Variants in CIC observed in about 807,000 individuals in gnomAD.
The protein encoded by CIC is protein capicua homolog.
Under a neutral mutation model 115.7 loss-of-function variants are expected in CIC, and 18 were observed. The observed-to-expected ratio is 0.16, with a 90% CI of 0.11 to 0.23. CIC has a LOEUF of 0.23. CIC is among the 10% of genes least tolerant of loss of function. The pLI, the probability that CIC is intolerant of heterozygous loss-of-function variation, is 1.00. For synonymous variants in CIC, 1,076 were observed against 923.0 expected, an observed-to-expected ratio of 1.17 and a Z score of -3.01; for missense variants, 2,000 against 2,159.3, an observed-to-expected ratio of 0.93 and a Z score of 1.46.
At chr19:42,293,375 C>T (rs933990213) in intron 16 of CIC, 94 bp downstream of exon 16, 12 of 1,397,580 alleles carry the variant, frequency 8.6e-6, no homozygotes, top group African/African-American at 2.8e-5. Flanking sequence ...CTTTCCATGC[C>T]TGTGTGTCTC....
Position 42,293,742 on chromosome 19 carries a change from G to C in CIC, c.6673G>C (p.Gly2225Arg), listed in dbSNP as rs1314616216. 6.2e-7 allele frequency: 1 copy of C among 1,612,842 alleles called. No homozygotes were observed. The highest frequency in any genetic ancestry group is 8.5e-7 in the Non-Finnish European group (1 of 1,179,808). ...CGAGAGCAGCAGTGGGCGGGCAGCC[G>C]GGGACACCCCGGAGCGCAAGGAGGC... ...SSESSSGRAA[G>R]DTPERKEAAG... Residue 2225 changes from glycine to arginine, a missense_variant, in exon 17 of 21, where the codon GGG (glycine) becomes CGG (arginine). Gly to Arg is a moderately radical substitution (Grantham distance 125). Around this residue, in one of 8 missense-constraint regions of CIC, gnomAD observed 1,466 missense variants for 1,390.4 expected, o/e 1.05. Coordinates refer to ENST00000681038, the MANE Select transcript of CIC (RefSeq NM_001386298.1).
Position 42,290,506 on chromosome 19 carries a change from G to T in CIC, c.4465G>T (p.Gly1489Cys), listed in dbSNP as rs773106838. 9.3e-6 allele frequency: 15 copies of T among 1,613,386 alleles called. No homozygotes were observed. In the Admixed American group the frequency reaches 2.3e-4, roughly 25 times the overall value. Residue 1489 changes from glycine (G) to cysteine (C), a missense_variant, in exon 11 of 21, where the codon GGT becomes TGT. Coordinates refer to ENST00000681038, the MANE Select transcript of CIC (RefSeq NM_001386298.1). Reference protein sequence around the residue: ...PLRPPPPGAGGPATPSKATRF... With the variant: ...PLRPPPPGAGCPATPSKATRF... ...ACGGCCCCCACCCCCTGGGGCTGGG[G>T]GTCCAGCGACACCTTCCAAGGCAAC...
Position 42,290,663 on chromosome 19 carries a change from T to C in CIC, c.4622T>C (p.Val1541Ala), listed in dbSNP as rs1187578141. Residue 1541 changes from valine to alanine, a missense_variant, in exon 11 of 21, where the codon GTG becomes GCG. Val to Ala is a moderately conservative substitution (Grantham distance 64). Transcript: ENST00000681038. ...GGAGGAAACATCCTGCAGACACTGG[T>C]GCTGCCCCCAAACAAGGAGGAGCAA... ...SGGGNILQTL[V>A]LPPNKEEQEG... 7 of 1,613,212 alleles carry C rather than the reference T, an allele frequency of 4.3e-6. No individual in the cohort carries two copies. Among genetic ancestry groups the C allele is most frequent in the Non-Finnish European group, 5.9e-6 (7 of 1,179,912 alleles).
intron 11 of CIC, 29 bp from the exon 12 acceptor site, chr19:42,291,529 C>G: frequency 6.2e-7 from 1 of 1,613,118 alleles, no homozygotes; most frequent in South Asian, 1.1e-5. Context: ...CCCTTGTAAC[C>G]TTTTCCTTTC....
intron 2 of CIC, among the ~76,000 whole-genome samples, chr19:42,282,751 G>C (rs1487813011): frequency 3.3e-5 from 5 of 152,190 alleles, no homozygotes; most frequent in African/African-American, 1.2e-4. Flanking sequence ...CCTGAACAAT[G>C]GGTGTAATAA....
chr19:42,284,079 T>G (rs184104469), intron 2 of CIC: 1 of 138,268 alleles, frequency 7.2e-6, no homozygotes, highest in African/African-American at 2.7e-5. Context: ...GAGGCGGTGG[T>G]GGTTCGGCGC....
At chr19:42,288,365 C>T (rs557258004) in intron 7 of CIC, among the ~76,000 whole-genome samples, 18 of 152,286 alleles carry the variant, frequency 1.2e-4, no homozygotes, top group Admixed American at 5.9e-4. Context: ...AACCCCAGTT[C>T]GGCGGGCCCC....
intron 12 of CIC, 42 bp downstream of exon 12, chr19:42,291,787 C>G (rs1599922506): frequency 6.2e-7 from 1 of 1,605,794 alleles, no homozygotes; most frequent in East Asian, 2.2e-5. Context: ...ATGTTGGCCC[C>G]TGTACCCCAT....
chr19:42,293,072 G>C lies in CIC; in HGVS notation c.6313G>C (p.Ala2105Pro). 1 of 1,611,518 alleles carries C rather than the reference G, an allele frequency of 6.2e-7. No individual in the cohort carries two copies. Among genetic ancestry groups the C allele is most frequent in the Non-Finnish European group, 8.5e-7 (1 of 1,179,386 alleles). The change falls in exon 16 of 21, where the codon GCC (alanine) becomes CCC (proline). Residue 2105 changes from alanine (A) to proline (P), a missense_variant. Around this residue, in one of 8 missense-constraint regions of CIC, gnomAD observed 1,466 missense variants for 1,390.4 expected, o/e 1.05. Transcript: ENST00000681038. ...SIPVGSFEAG[A>P]SGRPGPAPRQ... Reference sequence around the variant, plus strand: ...TCCCGTGGGGTCCTTTGAGGCAGGTGCCTCTGGGCGGCCTGGCCCTGCACC... The same window carrying C: ...TCCCGTGGGGTCCTTTGAGGCAGGTCCCTCTGGGCGGCCTGGCCCTGCACC...
At chr19:42,278,587 T>C (rs985849598) in intron 2 of CIC, among the ~76,000 whole-genome samples, 7 of 152,150 alleles carry the variant, frequency 4.6e-5, no homozygotes, top group African/African-American at 1.7e-4. Flanking sequence ...CCAGCTGGCA[T>C]CCTGTGTCTC....
intron 19 of CIC, 104 bp downstream of exon 19, chr19:42,294,408 T>G: frequency 6.3e-7 from 1 of 1,579,960 alleles, no homozygotes; most frequent in East Asian, 2.2e-5. Flanking sequence ...CCATCCAGGC[T>G]GGGAGGAAGC....
chr19:42,269,997 G>A (rs1035413979), intron 1 of CIC, among the ~76,000 whole-genome samples: 1 of 152,136 alleles, frequency 6.6e-6, no homozygotes, highest in African/African-American at 2.4e-5. Flanking sequence ...GGGTGGACAG[G>A]AAGAGAGTAG....
Position 42,295,143 on chromosome 19 carries a change from G to GGGCGGCC in CIC, c.7506_7507insGGCGGCC (p.Pro2503GlyfsTer22). 1 of 1,382,736 alleles carries GGGCGGCC rather than the reference G, an allele frequency of 7.2e-7. No individual in the cohort carries two copies. Among genetic ancestry groups the GGGCGGCC allele is most frequent in the Non-Finnish European group, 9.6e-7 (1 of 1,037,824 alleles). 85.7% of individuals were successfully genotyped at this position (1,382,736 alleles called of 1,614,324 possible). A position where few individuals can be genotyped will look rare whatever the true frequency, so the allele number is the denominator to read the frequency against. ...AGCCTGGCTGGGAGGGGGCTCCCCAGCCCTCCCCCCCACCCCCAGGTCCCT... is the reference window on the plus strand; with the variant it reads ...AGCCTGGCTGGGAGGGGGCTCCCCAGGGCGGCCCCCTCCCCCCCACCCCCAGGTCCCT... On this transcript the variant is annotated frameshift_variant, in exon 21 of 21. Transcript: ENST00000681038. LOFTEE classifies it high-confidence loss of function.
At chr19:42,286,978 G>C in intron 3 of CIC, 28 bp from the exon 4 acceptor site, 1 of 1,608,164 alleles carries the variant, frequency 6.2e-7, no homozygotes, top group Non-Finnish European at 8.5e-7. Context: ...TGGCCTAGGA[G>C]CCCTCTGATC....
intron 2 of CIC, among the ~76,000 whole-genome samples, chr19:42,283,512 TGTA>T (rs1016242330): frequency 2.0e-5 from 3 of 151,858 alleles, no homozygotes; most frequent in African/African-American, 7.3e-5. Context: ...CCGTGGGGTG[TGTA>T]GGAGATAATG....
chr19:42,285,033 C>T (rs954946854), intron 2 of CIC, among the ~76,000 whole-genome samples: 3 of 151,964 alleles, frequency 2.0e-5, no homozygotes, highest in Non-Finnish European at 4.4e-5. Flanking sequence ...GTGAGGGGTG[C>T]AGAGTAACTG....
intron 1 of CIC, 29 bp from the exon 2 acceptor site, chr19:42,271,745 G>T: frequency 7.5e-6 from 3 of 398,630 alleles, no homozygotes; most frequent in Non-Finnish European, 1.3e-5. Context: ...GAGTTGCTCC[G>T]CGTAATCCTC....
rs2147305952 is a variant in CIC at position 42,292,586 on chromosome 19, G to C, written c.5923G>C (p.Ala1975Pro). 6.2e-7 allele frequency: 1 copy of C among 1,613,268 alleles called. No individual in the cohort carries two copies. Among genetic ancestry groups the C allele is most frequent in the Non-Finnish European group, 8.5e-7 (1 of 1,179,888 alleles). ...TTCAGCAGGCCAAGCCCCACTGCTG[G>C]CTCCCGGTCAGGTGGGCGTGTCACC... is the stretch of plus-strand genomic sequence containing the variant. ...LLSAGQAPLL[A>P]PGQVGVSPVP... Residue 1975 changes from alanine to proline, a missense_variant, in exon 15 of 21, where the codon GCT becomes CCT. Transcript: ENST00000681038.
rs945126931 is a variant in CIC at position 42,291,570 on chromosome 19, C to T, written c.5438C>T (p.Ser1813Phe). Residue 1813 changes from serine to phenylalanine, a missense_variant, in exon 12 of 21, where the codon TCT (serine) becomes TTT (phenylalanine). This residue lies in a region of CIC where 1,466 missense variants were observed against 1,390.4 expected (regional missense o/e 1.05). Transcript: ENST00000681038. ...TCTTAACTTCCAGCCCAGTCAGTTT[C>T]TCCCGTGCAGGCCCCGCCCCCGGGT... is the stretch of plus-strand genomic sequence containing the variant. ...SAPPPKAQSV[S>F]PVQAPPPGGS... The T allele has an allele frequency of 6.2e-7, 1 of 1,613,060 alleles. No individual in the cohort carries two copies. Among genetic ancestry groups the T allele is most frequent in the Non-Finnish European group, 8.5e-7 (1 of 1,179,996 alleles).
Sources: gnomAD v4.1 joint callset for allele counts (sites outside exome capture counted in the v4.1 genomes callset) on GRCh38, gnomAD v4.1.1 for gene constraint, gnomAD v4.1.1 regional missense constraint, MANE v1.5 for transcripts, NCBI Gene and HGNC (gene_info 2026-07-23, HGNC 2026-07-21) for gene names.